Variants in UST observed in about 807,000 individuals in gnomAD.
The protein encoded by UST is uronyl 2-sulfotransferase, also known as chondroitin sulfate 2-O-sulfotransferase.
In UST, 21 loss-of-function variants were observed where a neutral mutation model predicts 45.6. The observed-to-expected ratio is 0.46, with a 90% CI of 0.33 to 0.66. The LOEUF is 0.66. UST is among the 30% of genes least tolerant of loss of function. The pLI is 0.02. For synonymous variants in UST, 215 were observed against 200.6 expected, an observed-to-expected ratio of 1.07 and a Z score of -0.61; for missense variants, 463 against 512.4, an observed-to-expected ratio of 0.90 and a Z score of 0.93.
intron 1 of UST, among the ~76,000 whole-genome samples, chr6:148,878,428 A>C (rs1280171027): frequency 1.4e-5 from 1 of 71,762 alleles, no homozygotes. Flanking sequence ...GGGGTCGTGT[A>C]TGAGTGTGGG....
chr6:148,961,774 G>C (rs1443267103), intron 4 of UST, among the ~76,000 whole-genome samples: 1 of 152,206 alleles, frequency 6.6e-6, no homozygotes, highest in Non-Finnish European at 1.5e-5. Flanking sequence ...ATGAAATCAT[G>C]AGTGAGCAAA....
chr6:148,943,520 A>G (rs1201066163), intron 3 of UST, among the ~76,000 whole-genome samples: 2 of 152,250 alleles, frequency 1.3e-5, no homozygotes, highest in African/African-American at 4.8e-5. Context: ...ACAGCAATTT[A>G]CTAACCATGT....
intron 1 of UST, among the ~76,000 whole-genome samples, chr6:148,832,453 T>C (rs951543334): frequency 2.6e-5 from 4 of 152,190 alleles, no homozygotes; most frequent in African/African-American, 9.7e-5. Context: ...CATGTCTTAG[T>C]ATGAAGCCCT....
intron 1 of UST, among the ~76,000 whole-genome samples, chr6:148,828,656 A>C (rs1429978050): frequency 6.6e-6 from 1 of 152,212 alleles, no homozygotes; most frequent in Non-Finnish European, 1.5e-5. Context: ...GACTAAATGA[A>C]TTTATGCACA....
intron 4 of UST, among the ~76,000 whole-genome samples, chr6:148,959,972 C>G (rs143819752): frequency 4.6e-5 from 7 of 151,934 alleles, no homozygotes; most frequent in African/African-American, 1.7e-4. Context: ...GTTACTGTGA[C>G]GGGCTCCAGC....
intron 5 of UST, among the ~76,000 whole-genome samples, chr6:149,008,208 G>A (rs111417787): frequency 0.014 from 2,131 of 152,294 alleles, 60 homozygotes; most frequent in African/African-American, 0.048. Flanking sequence ...TTTAATATTT[G>A]TAGACATTTT....
chr6:149,019,859 A>T lies in UST; in HGVS notation c.779+623A>T, dbSNP rs531938195. ...AGGTCCTGCATCAGCACCCCTGTAT[A>T]CTTGTTAAGAACCCCCACCCAATCA... On this transcript the variant is annotated intron_variant, in intron 6 of 7. Transcript: ENST00000367463. 4.6e-5 allele frequency among the ~76,000 whole-genome samples: 7 copies of T among 152,264 alleles called. No individual in the cohort carries two copies. In the South Asian group the frequency reaches 1.2e-3, roughly 27 times the overall value.
chr6:148,841,928 A>G (rs1428690641), intron 1 of UST, among the ~76,000 whole-genome samples: 1 of 152,194 alleles, frequency 6.6e-6, no homozygotes, highest in East Asian at 1.9e-4. Context: ...CAACATGGAG[A>G]AACCCCATCT....
intron 1 of UST, among the ~76,000 whole-genome samples, chr6:148,842,505 TGGAG>T (rs1177008612): frequency 6.6e-6 from 1 of 152,184 alleles, no homozygotes; most frequent in Non-Finnish European, 1.5e-5. Flanking sequence ...CACTACAGTG[TGGAG>T]GCCGCCGGCT....
At chr6:148,990,480 C>A in intron 5 of UST, 1 of 779,238 alleles carries the variant, frequency 1.3e-6, no homozygotes, top group Non-Finnish European at 1.6e-6. Flanking sequence ...TAACGTGACA[C>A]CAGTGTGTTT....
chr6:148,778,419 G>A (rs1013099523), intron 1 of UST, among the ~76,000 whole-genome samples: 5 of 152,214 alleles, frequency 3.3e-5, no homozygotes, highest in Admixed American at 2.6e-4. Context: ...AAAGTCCTGA[G>A]TGAGGATCCA....
chr6:148,827,725 T>TAAAAAAAAAAAAAAA (rs200443668), intron 1 of UST, among the ~76,000 whole-genome samples: 2 of 118,366 alleles, frequency 1.7e-5, no homozygotes, highest in African/African-American at 3.0e-5. Context: ...TTCTAGTTTG[T>TAAAAAAAAAAAAAAA]AAAAAAAAAA....
At chr6:148,840,329 C>T (rs1338767615) in intron 1 of UST, among the ~76,000 whole-genome samples, 3 of 152,124 alleles carry the variant, frequency 2.0e-5, no homozygotes, top group African/African-American at 7.2e-5. Context: ...AACCCTGTTT[C>T]AAAAGGAATG....
intron 1 of UST, among the ~76,000 whole-genome samples, chr6:148,785,091 C>T (rs987362739): frequency 7.9e-5 from 12 of 151,746 alleles, no homozygotes; most frequent in African/African-American, 2.9e-4. Context: ...GTCCCAGCTA[C>T]TAGGGAGGTT....
chr6:148,941,450 AC>A lies in UST; in HGVS notation c.447+17del. On this transcript the variant is annotated intron_variant, in intron 3 of 7. Transcript: ENST00000367463. ...AAATGAACAAGTAAGTTGACTTTGC[AC>A]ATTGTTAAATTGTGTTTTGCTTCAG... The A allele has an allele frequency of 6.3e-7, 1 of 1,583,372 alleles. No homozygotes were observed. Among genetic ancestry groups the A allele is most frequent in the Non-Finnish European group, 8.6e-7 (1 of 1,169,472 alleles).
At chr6:148,804,689 T>A (rs1777114537) in intron 1 of UST, among the ~76,000 whole-genome samples, 1 of 152,110 alleles carries the variant, frequency 6.6e-6, no homozygotes, top group African/African-American at 2.4e-5. Context: ...GAGAATATCA[T>A]ATACTGGAAA....
In UST at chr6:148,790,672, G is replaced by T. The variant is rs1330797812; in HGVS notation, c.247+42995G>T. Among the ~76,000 whole-genome samples, 1 of 152,182 alleles carries T rather than the reference G, an allele frequency of 6.6e-6. No individual in the cohort carries two copies. Among genetic ancestry groups the T allele is most frequent in the Non-Finnish European group, 1.5e-5 (1 of 68,034 alleles). On this transcript the variant is annotated intron_variant, in intron 1 of 7. Transcript: ENST00000367463. The surrounding 1 kb of genome is among the most constrained non-coding windows in gnomAD (Gnocchi z 4.2). ...CCTCCTTCAGCCTGGAAGGAGTGCT[G>T]TGCCCCGTGTGGAAGGAAACCTCCT...
chr6:148,920,732 GT>G (rs1779688122), intron 2 of UST, among the ~76,000 whole-genome samples: 1 of 152,154 alleles, frequency 6.6e-6, no homozygotes, highest in African/African-American at 2.4e-5. Flanking sequence ...ATTCCACCAT[GT>G]TGCCCAGGCT....
chr6:148,747,759 C>T lies in UST; in HGVS notation c.247+82C>T, dbSNP rs1242569590. 6 of 1,440,742 alleles carry T rather than the reference C, an allele frequency of 4.2e-6. 1 individual carries two copies. The South Asian group carries it at 8.8e-5, about 21-fold the overall frequency. 89.2% of individuals were successfully genotyped at this position (1,440,742 alleles called of 1,614,324 possible). A position where few individuals can be genotyped will look rare whatever the true frequency, so the allele number is the denominator to read the frequency against. On this transcript the variant is annotated intron_variant, in intron 1 of 7. Coordinates refer to ENST00000367463, the MANE Select transcript of UST (RefSeq NM_005715.3). ...GGAGAGGGTCGCGGCGGGGACTTCT[C>T]GCGCTGCCACCGCGCGCCGCCGCCG...
Sources: allele counts gnomAD v4.1 joint callset (sites outside exome capture counted in the v4.1 genomes callset), GRCh38; gene constraint gnomAD v4.1.1; non-coding constraint Gnocchi (gnomAD v3.1); transcripts MANE v1.5; gene names NCBI Gene and HGNC (gene_info 2026-07-23, HGNC 2026-07-21).